The following ZNF26 variants were observed in gnomAD, a reference collection of about 807,000 sequenced individuals.
ZNF26 encodes zinc finger protein 26, also known as epididymis luminal protein 179.
Under a neutral mutation model 54.9 loss-of-function variants are expected in ZNF26, and 32 were observed. The ratio of observed to expected loss-of-function variants is 0.58; its 90% CI spans 0.44 to 0.78. ZNF26 has a LOEUF of 0.78. ZNF26 is among the 30% of genes least tolerant of loss of function. The probability of loss-of-function intolerance (pLI) is 0.00; values close to 1 mark genes in which losing one functional copy is unlikely to be tolerated. For synonymous variants in ZNF26, 221 were observed against 209.2 expected (o/e 1.06, Z -0.49); for missense variants, 524 against 634.0 (o/e 0.83, Z 1.86).
In ZNF26 at chr12:133,011,002, T is replaced by C; in HGVS notation, c.1123T>C (p.Cys375Arg). Reference protein sequence around the residue: ...TGNNPYQCGECGKAFGRKEQL... With the variant: ...TGNNPYQCGERGKAFGRKEQL... ...AAATAATCCTTATCAATGCGGTGAA[T>C]GTGGGAAAGCCTTTGGTAGGAAGGA... The change falls in exon 4 of 4, where the codon TGT becomes CGT. Residue 375 changes from cysteine (C) to arginine (R), a missense_variant. Cys to Arg is a radical substitution (Grantham distance 180). Coordinates refer to ENST00000328654, the MANE Select transcript of ZNF26 (RefSeq NM_019591.4). 6.2e-7 allele frequency: 1 copy of C among 1,614,152 alleles called. No individual in the cohort carries two copies. Among genetic ancestry groups the C allele is most frequent in the Non-Finnish European group, 8.5e-7 (1 of 1,180,036 alleles).
chr12:132,991,658 C>A (rs1593634025), intron 1 of ZNF26, among the ~76,000 whole-genome samples: 2 of 113,914 alleles, frequency 1.8e-5, no homozygotes. Flanking sequence ...AAAAAAAAAA[C>A]CAGGTGTGCT....
rs758416264 is a variant in ZNF26, at chr12:133,004,113, G to T, written c.34-2929G>T. 1.9e-3 allele frequency among the ~76,000 whole-genome samples: 289 copies of T among 152,210 alleles called. 5 individuals are homozygous for T. Among genetic ancestry groups the T allele is most frequent in the Middle Eastern group, 0.017 (5 of 294 alleles). On this transcript the variant is annotated intron_variant, in intron 1 of 3. Transcript: ENST00000328654. ...GTTTTCAGTATGTTTCTTCTAACATGAATGTGTTCTTTCTCAGTCGGTTTT... is the reference window on the plus strand; with the variant it reads ...GTTTTCAGTATGTTTCTTCTAACATTAATGTGTTCTTTCTCAGTCGGTTTT...
chr12:132,987,572 T>G, intron 1 of ZNF26: 7 of 324,184 alleles, frequency 2.2e-5, no homozygotes, highest in Non-Finnish European at 2.7e-5. Flanking sequence ...GCTCTACCAT[T>G]GAGCTATACA....
intron 1 of ZNF26, among the ~76,000 whole-genome samples, chr12:132,995,996 A>T (rs1288705249): frequency 6.6e-6 from 1 of 152,136 alleles, no homozygotes; most frequent in African/African-American, 2.4e-5. Context: ...TTTCTCTGTC[A>T]TGCAGTAGGG....
At chr12:132,994,078 T>C (rs1305401237) in intron 1 of ZNF26, among the ~76,000 whole-genome samples, 1 of 152,190 alleles carries the variant, frequency 6.6e-6, no homozygotes, top group Non-Finnish European at 1.5e-5. Context: ...TCTGGGAACC[T>C]GGTTGAGCTC....
Position 133,001,739 on chromosome 12 carries a change from G to T in ZNF26, c.34-5303G>T. On this transcript the variant is annotated intron_variant, in intron 1 of 3. Transcript: ENST00000328654. This position sits in a 1 kb window ranked among gnomAD's most constrained non-coding sequence, Gnocchi z 4.7. Reference sequence around the variant, plus strand: ...AACAGTGCCCTGCCTGAGGTGAGCCGCAGGGAGGCGGGGCCCTGTTTGAGG... The same window carrying T: ...AACAGTGCCCTGCCTGAGGTGAGCCTCAGGGAGGCGGGGCCCTGTTTGAGG... The T allele has an allele frequency of 7.8e-7, 1 of 1,286,404 alleles. No individual in the cohort carries two copies. Among genetic ancestry groups the T allele is most frequent in the Non-Finnish European group, 1.0e-6 (1 of 986,358 alleles). 79.7% of individuals were successfully genotyped at this position (1,286,404 alleles called of 1,614,324 possible).
chr12:132,997,983 A>T (rs373685540), intron 1 of ZNF26, among the ~76,000 whole-genome samples: 2,482 of 152,258 alleles, frequency 0.016, 76 homozygotes, highest in African/African-American at 0.056. Context: ...AGCAATCAGA[A>T]TCTAAAATTT....
rs1305902827 is a variant in ZNF26 at position 133,024,154 on chromosome 12, G to C, written c.*12673G>C. ...AATAGAAATTTAGTGTTGGAAGTGG[G>C]GTTCTACTTACATGCATCACTGGCC... On this transcript the variant is annotated 3_prime_UTR_variant, in exon 4 of 4. Transcript: ENST00000328654. The C allele has an allele frequency of 1.3e-5, 2 of 152,136 alleles. No individual in the cohort carries two copies. Among genetic ancestry groups the C allele is most frequent in the Non-Finnish European group, 2.9e-5 (2 of 68,030 alleles). The allele number at this position is 152,136 out of a possible 1,614,324, so 9.4% of individuals were successfully genotyped here. A position where few individuals can be genotyped will look rare whatever the true frequency, so the allele number is the denominator to read the frequency against.
At chr12:132,987,580 A>G (rs61953669) in intron 1 of ZNF26, 100,121 of 393,962 alleles carry the variant, frequency 0.25, 14,284 homozygotes, top group Non-Finnish European at 0.3. Context: ...ATTGAGCTAT[A>G]CAGCCGGAGA....
At position 133,018,353 on chromosome 12, in the gene ZNF26, G is replaced by T. The variant is rs1249248561; in HGVS notation, c.*6872G>T. The T allele has an allele frequency of 6.6e-6, 1 of 152,114 alleles. No homozygotes were observed. The highest frequency in any genetic ancestry group is 1.5e-5 in the Non-Finnish European group (1 of 68,024). The allele number at this position is 152,114 out of a possible 1,614,324, so 9.4% of individuals were successfully genotyped here. ...TATATATATCAATACCAGCACAAAA[G>T]TCGGGGTGGGGGCTAGAACTATATA... On this transcript the variant is annotated 3_prime_UTR_variant, in exon 4 of 4. Transcript: ENST00000328654.
At chr12:132,987,373 A>G (rs1249021135) in intron 1 of ZNF26, among the ~76,000 whole-genome samples, 1 of 152,208 alleles carries the variant, frequency 6.6e-6, no homozygotes, top group Non-Finnish European at 1.5e-5. Flanking sequence ...ACGCAATTAC[A>G]GGTGAATGAA....
chr12:132,999,284 G>T (rs941062911), intron 1 of ZNF26, among the ~76,000 whole-genome samples: 1 of 152,144 alleles, frequency 6.6e-6, no homozygotes, highest in African/African-American at 2.4e-5. Flanking sequence ...ATGGAGTTTT[G>T]CTCTTTGTTG....
At chr12:133,009,126 ATGAGACTTGGG>A (rs1429217513) in intron 3 of ZNF26, among the ~76,000 whole-genome samples, 1 of 152,206 alleles carries the variant, frequency 6.6e-6, no homozygotes, top group Non-Finnish European at 1.5e-5. Context: ...CTAATTCAAC[ATGAGACTTGGG>A]TGGGGACAGA....
intron 1 of ZNF26, among the ~76,000 whole-genome samples, chr12:132,994,202 T>C (rs1047433029): frequency 1.4e-4 from 21 of 152,252 alleles, no homozygotes; most frequent in Admixed American, 1.4e-3. Flanking sequence ...TCTAGCAATT[T>C]GTCAGTTGCA....
In ZNF26 at chr12:132,994,911, T is replaced by C. The variant is rs1021463589; in HGVS notation, c.33+8038T>C. Among the ~76,000 whole-genome samples the C allele has an allele frequency of 6.6e-5, 10 of 152,172 alleles. No individual in the cohort carries two copies. In the East Asian group the frequency reaches 1.2e-3, roughly 18 times the overall value. ...GAGCAGCATTCCTGGCCCCGACTTA[T>C]GTAGGTGCCAGTAGCACTGCCCCAC... On this transcript the variant is annotated intron_variant, in intron 1 of 3. Coordinates refer to ENST00000328654, the MANE Select transcript of ZNF26 (RefSeq NM_019591.4).
intron 1 of ZNF26, among the ~76,000 whole-genome samples, chr12:132,988,192 A>G (rs959922201): frequency 6.8e-6 from 1 of 148,104 alleles, no homozygotes; most frequent in Non-Finnish European, 1.5e-5. Flanking sequence ...TATATTTTGT[A>G]GCGATGGAGT....
At chr12:132,990,971 G>C (rs2137211171) in intron 1 of ZNF26, among the ~76,000 whole-genome samples, 1 of 151,874 alleles carries the variant, frequency 6.6e-6, no homozygotes. Context: ...CGATTCTCCT[G>C]CCTCAGCCTC....
chr12:132,986,699 C>A lies in ZNF26; in HGVS notation c.-142C>A. ...GGGCGAGAGCTGAGGAGCCGGCGTC[C>A]CTGCCAACGACTCGGCCCCGGGACG... On this transcript the variant is annotated 5_prime_UTR_variant, in exon 1 of 4. Transcript: ENST00000328654. 1.2e-6 allele frequency: 1 copy of A among 825,502 alleles called. No homozygotes were observed. The allele number at this position is 825,502 out of a possible 1,614,324, so 51.1% of individuals were successfully genotyped here.
chr12:133,018,446 G>A lies in ZNF26; in HGVS notation c.*6965G>A, dbSNP rs1440994494. Reference sequence around the variant, plus strand: ...ATAAATCTGAAGTAGACTCTGATAAGTTAATGTGTATTTAACACTTCCTAG... The same window carrying A: ...ATAAATCTGAAGTAGACTCTGATAAATTAATGTGTATTTAACACTTCCTAG... On this transcript the variant is annotated 3_prime_UTR_variant, in exon 4 of 4. Transcript: ENST00000328654. 2 of 152,116 alleles carry A rather than the reference G, an allele frequency of 1.3e-5. No individual in the cohort carries two copies. The highest frequency in any genetic ancestry group is 2.9e-5 in the Non-Finnish European group (2 of 68,034). The allele number at this position is 152,116 out of a possible 1,614,324, so 9.4% of individuals were successfully genotyped here.
Sources: gnomAD v4.1 joint callset for allele counts (sites outside exome capture counted in the v4.1 genomes callset) on GRCh38, gnomAD v4.1.1 for gene constraint, Gnocchi (gnomAD v3.1) non-coding constraint, MANE v1.5 for transcripts, NCBI Gene and HGNC (gene_info 2026-07-23, HGNC 2026-07-21) for gene names.